SNCG: variants seen among roughly 807,000 people sequenced by gnomAD.
The protein encoded by SNCG is gamma-synuclein.
SNCG carries 13 observed loss-of-function variants against 16.0 expected under a neutral mutation model. The ratio of observed to expected loss-of-function variants is 0.81; its 90% CI spans 0.53 to 1.29. SNCG has a LOEUF of 1.29. Ranked by LOEUF, SNCG falls within the 50% of genes most tolerant of loss-of-function variation. SNCG has a pLI of 0.00. For missense variants in SNCG, 154 were observed against 168.5 expected, an observed-to-expected ratio of 0.91 and a Z score of 0.48; for synonymous variants, 66 against 66.3, an observed-to-expected ratio of 1.00 and a Z score of 0.02.
chr10:86,958,595 C>G, upstream of SNCG: 1 of 1,435,406 alleles, frequency 7.0e-7, no homozygotes, highest in East Asian at 3.2e-5. Context: ...TAGGAGGCAT[C>G]GGGGACAGCC....
At chr10:86,958,095 T>TAA (rs1437691739), upstream of SNCG, 44 of 760,476 alleles carry the variant, frequency 5.8e-5, no homozygotes, top group Non-Finnish European at 6.8e-5. Flanking sequence ...CCTCAGATCC[T>TAA]CCAACCGGTT....
chr10:86,959,396 G>A lies in SNCG; in HGVS notation c.122-237G>A. 1 of 588,132 alleles carries A rather than the reference G, an allele frequency of 1.7e-6. No individual in the cohort carries two copies. Among genetic ancestry groups the A allele is most frequent in the Non-Finnish European group, 3.0e-6 (1 of 331,326 alleles). 36.4% of individuals were successfully genotyped at this position (588,132 alleles called of 1,614,324 possible). A position where few individuals can be genotyped will look rare whatever the true frequency, so the allele number is the denominator to read the frequency against. ...GGGCTGGACCCTGGGTCTAGCCAGTGTCCCTACCTCAGGCCTGCTCTCTCT... is the reference window on the plus strand; with the variant it reads ...GGGCTGGACCCTGGGTCTAGCCAGTATCCCTACCTCAGGCCTGCTCTCTCT... On this transcript the variant is annotated intron_variant, in intron 1 of 4. Transcript: ENST00000372017. This position sits in a 1 kb window ranked among gnomAD's most constrained non-coding sequence, Gnocchi z 4.3.
chr10:86,958,202 T>C (rs1844269261), upstream of SNCG: 1 of 966,126 alleles, frequency 1.0e-6, no homozygotes, highest in South Asian at 4.8e-5. Context: ...AACAGGCCTA[T>C]GTGGCCCTGA....
At chr10:86,961,398 G>A (rs1276554614) in intron 3 of SNCG, among the ~76,000 whole-genome samples, 1 of 152,070 alleles carries the variant, frequency 6.6e-6, no homozygotes, top group Non-Finnish European at 1.5e-5. Context: ...CCTCCATGAA[G>A]CAATTCTCCT....
intron 3 of SNCG, among the ~76,000 whole-genome samples, chr10:86,961,188 G>A (rs537120794): frequency 4.3e-4 from 65 of 152,260 alleles, no homozygotes; most frequent in Non-Finnish European, 8.2e-4. Flanking sequence ...GCTCTGGGGC[G>A]ATGCCCAGGT....
In SNCG at chr10:86,959,116, C is replaced by T. The variant is rs1589311596; in HGVS notation, c.121+298C>T. On this transcript the variant is annotated intron_variant, in intron 1 of 4. Transcript: ENST00000372017. This position sits in a 1 kb window ranked among gnomAD's most constrained non-coding sequence, Gnocchi z 4.3. Reference sequence around the variant, plus strand: ...ATACCAGCCTCCCCTGAGCCTGGAGCCCCTGAAGCCATGAGCAGCCTGTGC... The same window carrying T: ...ATACCAGCCTCCCCTGAGCCTGGAGTCCCTGAAGCCATGAGCAGCCTGTGC... Among the ~76,000 whole-genome samples, 2 of 152,176 alleles carry T rather than the reference C, an allele frequency of 1.3e-5. No individual in the cohort carries two copies. The highest frequency in any genetic ancestry group is 1.9e-4 in the East Asian group (1 of 5,186).
chr10:86,961,926 G>T (rs1003888827), intron 3 of SNCG, among the ~76,000 whole-genome samples: 1 of 152,222 alleles, frequency 6.6e-6, no homozygotes, highest in Non-Finnish European at 1.5e-5. Flanking sequence ...AATCACCAGT[G>T]TGGTCCTACA....
chr10:86,957,750 A>G, upstream of SNCG: 3 of 1,365,572 alleles, frequency 2.2e-6, no homozygotes, highest in Middle Eastern at 5.4e-4. Flanking sequence ...CAACCACACA[A>G]GCCAGTTCCT....
upstream of SNCG, chr10:86,957,816 C>T (rs1284703608): frequency 8.1e-7 from 1 of 1,238,478 alleles, no homozygotes; most frequent in Non-Finnish European, 1.0e-6. Context: ...GGGGTGGCCC[C>T]ACCAAATGCA....
upstream of SNCG, chr10:86,957,953 G>T (rs945750765): frequency 1.9e-6 from 2 of 1,029,438 alleles, no homozygotes; most frequent in Non-Finnish European, 2.3e-6. Flanking sequence ...AGGAAATGGG[G>T]GGCAATTCAT....
In SNCG at chr10:86,963,056, A is replaced by T; in HGVS notation, c.*71A>T. On this transcript the variant is annotated 3_prime_UTR_variant, in exon 5 of 5. Transcript: ENST00000372017. ...TTGGACACCATCCCCTCCTAGCACA[A>T]GGAGTGCCCGCCTTGAGTGACATGC... 6.7e-7 allele frequency: 1 copy of T among 1,482,172 alleles called. No homozygotes were observed. Among genetic ancestry groups the T allele is most frequent in the Non-Finnish European group, 9.2e-7 (1 of 1,090,460 alleles). 91.8% of individuals were successfully genotyped at this position (1,482,172 alleles called of 1,614,324 possible). A position where few individuals can be genotyped will look rare whatever the true frequency, so the allele number is the denominator to read the frequency against.
At position 86,959,828 on chromosome 10, in the gene SNCG, G is replaced by T. The variant is rs893033104; in HGVS notation, c.163+154G>T. 3 of 1,264,934 alleles carry T rather than the reference G, an allele frequency of 2.4e-6. No homozygotes were observed. The highest frequency in any genetic ancestry group is 3.2e-6 in the Non-Finnish European group (3 of 924,134). 78.4% of individuals were successfully genotyped at this position (1,264,934 alleles called of 1,614,324 possible). ...GCAGACCATGAGGCTAAACTAGGGT[G>T]GGCGTCTCCTTACCCCCACCAGCAT... On this transcript the variant is annotated intron_variant, in intron 2 of 4. Transcript: ENST00000372017. The surrounding 1 kb of genome is among the most constrained non-coding windows in gnomAD (Gnocchi z 4.3).
intron 3 of SNCG, among the ~76,000 whole-genome samples, chr10:86,961,520 A>C (rs1445844439): frequency 2.0e-5 from 3 of 152,114 alleles, no homozygotes; most frequent in African/African-American, 7.2e-5. Context: ...ACCCCCAGCA[A>C]AAGAGGCCCT....
upstream of SNCG, among the ~76,000 whole-genome samples, chr10:86,956,566 A>G (rs1043524171): frequency 2.0e-5 from 3 of 152,200 alleles, no homozygotes; most frequent in African/African-American, 7.2e-5. Flanking sequence ...GTTCACTATG[A>G]GCTCTGAAGT....
upstream of SNCG, chr10:86,957,487 C>G: frequency 6.2e-7 from 1 of 1,613,240 alleles, no homozygotes; most frequent in African/African-American, 1.3e-5. Context: ...GCCCATGCCC[C>G]CAGCAGCCCC....
Position 86,959,759 on chromosome 10 carries a change from T to A in SNCG, c.163+85T>A, listed in dbSNP as rs573962475. 1.1e-3 allele frequency: 1,589 copies of A among 1,392,396 alleles called. 3 individuals carry two copies. The highest frequency in any genetic ancestry group is 3.5e-3 in the Admixed American group (158 of 44,652). The allele number at this position is 1,392,396 out of a possible 1,614,324, so 86.3% of individuals were successfully genotyped here. On this transcript the variant is annotated intron_variant, in intron 2 of 4. Coordinates refer to ENST00000372017, the MANE Select transcript of SNCG (RefSeq NM_003087.3). The surrounding 1 kb of genome is among the most constrained non-coding windows in gnomAD (Gnocchi z 4.3). Reference sequence around the variant, plus strand: ...CTAGTGCTGGGGCTCAAACCTAGAGTCCTGCCTTACCCCCAACTGGGGTCC... The same window carrying A: ...CTAGTGCTGGGGCTCAAACCTAGAGACCTGCCTTACCCCCAACTGGGGTCC...
At chr10:86,956,442 CT>C (rs1174907523), upstream of SNCG, among the ~76,000 whole-genome samples, 4 of 152,250 alleles carry the variant, frequency 2.6e-5, no homozygotes, top group East Asian at 1.9e-4. Context: ...TGGCCCCCCC[CT>C]CACTCCCTAA....
At position 86,960,060 on chromosome 10, in the gene SNCG, A is replaced by C; in HGVS notation, c.223A>C (p.Asn75His). 1.2e-6 allele frequency: 2 copies of C among 1,613,122 alleles called. No homozygotes were observed. Among genetic ancestry groups the C allele is most frequent in the Non-Finnish European group, 1.7e-6 (2 of 1,179,792 alleles). The change falls in exon 3 of 5, where the codon AAC (asparagine) becomes CAC (histidine). Residue 75 changes from asparagine (N) to histidine (H), a missense_variant. Transcript: ENST00000372017. ...GAGCGAGGCTGTGGTGAGCAGCGTCAACACTGTGGCCACCAAGACCGTGGA... is the reference window on the plus strand; with the variant it reads ...GAGCGAGGCTGTGGTGAGCAGCGTCCACACTGTGGCCACCAAGACCGTGGA... Reference protein sequence around the residue: ...AVSEAVVSSVNTVATKTVEEA... With the variant: ...AVSEAVVSSVHTVATKTVEEA...
chr10:86,961,832 C>T (rs1844356019), intron 3 of SNCG, among the ~76,000 whole-genome samples: 1 of 151,828 alleles, frequency 6.6e-6, no homozygotes, highest in Non-Finnish European at 1.5e-5. Context: ...GGCAGGATGG[C>T]CCTGGGGCAA....
Sources: allele counts gnomAD v4.1 joint callset (sites outside exome capture counted in the v4.1 genomes callset), GRCh38; gene constraint gnomAD v4.1.1; non-coding constraint Gnocchi (gnomAD v3.1); transcripts MANE v1.5; gene names NCBI Gene and HGNC (gene_info 2026-07-23, HGNC 2026-07-21).